The following SEMA3E variants were observed in gnomAD, a reference collection of about 807,000 sequenced individuals.
The protein encoded by SEMA3E is semaphorin 3E.
In SEMA3E, 49 loss-of-function variants were observed where a neutral mutation model predicts 93.6. The observed-to-expected ratio is 0.52, with a 90% confidence interval of 0.42 to 0.66. The LOEUF (loss-of-function observed/expected upper bound fraction) is 0.66, where lower values mean the gene tolerates loss of function less well. Ranked by LOEUF, SEMA3E falls within the 30% of genes least tolerant of loss-of-function variation. The pLI, the probability that SEMA3E is intolerant of heterozygous loss-of-function variation, is 0.00. For synonymous variants in SEMA3E, 363 were observed against 330.7 expected, an observed-to-expected ratio of 1.10 and a Z score of -1.06; for missense variants, 906 against 964.8, an observed-to-expected ratio of 0.94 and a Z score of 0.81.
intron 1 of SEMA3E, among the ~76,000 whole-genome samples, chr7:83,561,717 T>G (rs1020421862): frequency 6.6e-6 from 1 of 152,134 alleles, no homozygotes; most frequent in Non-Finnish European, 1.5e-5. Context: ...ACTTTAAAAG[T>G]TAGTCTATTC....
intron 11 of SEMA3E, among the ~76,000 whole-genome samples, chr7:83,397,075 A>T (rs533856288): frequency 9.8e-6 from 1 of 101,956 alleles, no homozygotes; most frequent in African/African-American, 2.6e-5. Flanking sequence ...AGAAGCCTTC[A>T]TCTAAGAAAA....
chr7:83,370,691 C>A (rs17157546), intron 16 of SEMA3E, among the ~76,000 whole-genome samples: 9,016 of 152,114 alleles, frequency 0.059, 884 homozygotes, highest in African/African-American at 0.21. Context: ...CCCAAACTGG[C>A]CTTTCTCACA....
At chr7:83,538,912 G>GCT (rs1384706756) in intron 1 of SEMA3E, among the ~76,000 whole-genome samples, 1 of 152,062 alleles carries the variant, frequency 6.6e-6, no homozygotes, top group Non-Finnish European at 1.5e-5. Flanking sequence ...GATTCCCGTC[G>GCT]CTCTCTCTTA....
chr7:83,379,482 A>C (rs1321878192), intron 16 of SEMA3E, among the ~76,000 whole-genome samples: 7 of 151,950 alleles, frequency 4.6e-5, no homozygotes, highest in Non-Finnish European at 8.8e-5. Flanking sequence ...GGCATATAGT[A>C]AGCACTAAAT....
chr7:83,642,362 C>T (rs1224509504), intron 1 of SEMA3E, among the ~76,000 whole-genome samples: 1 of 152,118 alleles, frequency 6.6e-6, no homozygotes, highest in Admixed American at 6.6e-5. Context: ...TCTTGGCCAC[C>T]ATAGGGCCAT....
intron 16 of SEMA3E, among the ~76,000 whole-genome samples, chr7:83,375,263 A>G (rs1219453741): frequency 1.3e-5 from 2 of 152,128 alleles, no homozygotes; most frequent in African/African-American, 2.4e-5. Context: ...AAGATTTAAA[A>G]TGTCTCTAAA....
chr7:83,535,029 G>A (rs2115740302), intron 1 of SEMA3E, among the ~76,000 whole-genome samples: 1 of 152,272 alleles, frequency 6.6e-6, no homozygotes, highest in South Asian at 2.1e-4. Flanking sequence ...GGCACTCTTA[G>A]GCAGGAATAA....
chr7:83,485,616 G>T (rs1790235046), intron 2 of SEMA3E, among the ~76,000 whole-genome samples: 1 of 152,004 alleles, frequency 6.6e-6, no homozygotes, highest in South Asian at 2.1e-4. Context: ...TAGCCCAAAA[G>T]TAGTGACACT....
intron 1 of SEMA3E, among the ~76,000 whole-genome samples, chr7:83,502,825 A>G (rs1397169985): frequency 2.0e-5 from 3 of 152,192 alleles, no homozygotes; most frequent in Non-Finnish European, 4.4e-5. Flanking sequence ...CCCAGGACCT[A>G]GACCAGTTCC....
intron 4 of SEMA3E, among the ~76,000 whole-genome samples, chr7:83,444,837 A>G (rs913577315): frequency 6.6e-6 from 1 of 152,006 alleles, no homozygotes; most frequent in African/African-American, 2.4e-5. Context: ...CTCCTGGCTA[A>G]TTTTTGTATT....
chr7:83,474,103 A>G (rs1471963819), intron 2 of SEMA3E, among the ~76,000 whole-genome samples: 1 of 151,296 alleles, frequency 6.6e-6, no homozygotes, highest in Admixed American at 6.6e-5. Flanking sequence ...ATTAAAAAAA[A>G]AAAAAAAAAA....
intron 2 of SEMA3E, among the ~76,000 whole-genome samples, chr7:83,489,061 T>A (rs1790325239): frequency 6.6e-6 from 1 of 152,092 alleles, no homozygotes. Context: ...TGGTGAATAC[T>A]ATCTTCCTAA....
chr7:83,455,341 T>G (rs1272311785), intron 4 of SEMA3E, among the ~76,000 whole-genome samples: 3 of 152,294 alleles, frequency 2.0e-5, no homozygotes, highest in East Asian at 3.9e-4. Context: ...CCCTTAATCT[T>G]TGCAAGGAGA....
At chr7:83,384,972 A>G (rs554136614) in intron 16 of SEMA3E, among the ~76,000 whole-genome samples, 2 of 151,994 alleles carry the variant, frequency 1.3e-5, no homozygotes, top group Non-Finnish European at 1.5e-5. Context: ...TAAGACTATC[A>G]TTTTGACAAC....
Position 83,490,215 on chromosome 7 carries a change from G to A in SEMA3E, c.175C>T (p.His59Tyr). 6.2e-7 allele frequency: 1 copy of A among 1,612,942 alleles called. No individual in the cohort carries two copies. The highest frequency in any genetic ancestry group is 8.5e-7 in the Non-Finnish European group (1 of 1,179,398). Residue 59 changes from histidine to tyrosine, a missense_variant, in exon 2 of 17, where the codon CAT becomes TAT. His to Tyr is a moderately conservative substitution (Grantham distance 83). Transcript: ENST00000643230. ...FHSPFGFLDL[H>Y]TMLLDEYQER... ...TGATATTCATCCAGCAGCATTGTAT[G>A]GAGATCAAGAAATCCAAAAGGGCTA...
intron 4 of SEMA3E, among the ~76,000 whole-genome samples, chr7:83,452,574 G>A (rs930351122): frequency 4.6e-5 from 7 of 152,136 alleles, no homozygotes; most frequent in Admixed American, 1.3e-4. Flanking sequence ...ACACAGGAAG[G>A]ATGCAAAAGA....
At chr7:83,409,181 T>C (rs1429843189) in intron 5 of SEMA3E, among the ~76,000 whole-genome samples, 1 of 152,160 alleles carries the variant, frequency 6.6e-6, no homozygotes, top group African/African-American at 2.4e-5. Flanking sequence ...AATTACATAA[T>C]GTATTCAGGG....
intron 1 of SEMA3E, among the ~76,000 whole-genome samples, chr7:83,647,288 C>A: frequency 6.6e-6 from 1 of 152,196 alleles, no homozygotes; most frequent in Admixed American, 6.5e-5. Flanking sequence ...AAAGGCCAAA[C>A]GTGTCACATA....
chr7:83,581,321 G>T (rs911572600), intron 1 of SEMA3E, among the ~76,000 whole-genome samples: 1 of 151,902 alleles, frequency 6.6e-6, no homozygotes, highest in Non-Finnish European at 1.5e-5. Flanking sequence ...GCAGATCGCT[G>T]CACTGCCCAT....
Sources: allele counts gnomAD v4.1 joint callset (sites outside exome capture counted in the v4.1 genomes callset), GRCh38; gene constraint gnomAD v4.1.1; transcripts MANE v1.5; gene names NCBI Gene and HGNC (gene_info 2026-07-23, HGNC 2026-07-21).